The following MCF2L2 variants were observed in gnomAD, a reference collection of about 807,000 sequenced individuals.
The protein encoded by MCF2L2 is probable guanine nucleotide exchange factor MCF2L2.
A neutral mutation model predicts 150.2 loss-of-function variants in MCF2L2; 102 were observed. The observed-to-expected ratio is 0.68, with a 90% confidence interval of 0.58 to 0.80. MCF2L2 has a LOEUF of 0.80. Among genes scored for constraint, MCF2L2 ranks in the 30% least tolerant of loss-of-function variants. The pLI is 0.00. For synonymous variants in MCF2L2, 465 were observed against 491.3 expected, an observed-to-expected ratio of 0.95 and a Z score of 0.71; for missense variants, 1,256 against 1,372.8, an observed-to-expected ratio of 0.91 and a Z score of 1.34.
intron 25 of MCF2L2, among the ~76,000 whole-genome samples, chr3:183,205,263 G>A (rs1459874135): frequency 1.3e-5 from 2 of 152,102 alleles, no homozygotes; most frequent in African/African-American, 4.8e-5. Flanking sequence ...TGTAGTCCCA[G>A]CTATTCGGGA....
intron 26 of MCF2L2, 116 bp from the exon 27 acceptor site, chr3:183,193,212 G>A: frequency 2.5e-6 from 2 of 798,088 alleles, no homozygotes; most frequent in Non-Finnish European, 4.3e-6. Context: ...AGGTCTCGAG[G>A]ACCTGCTGCT....
At chr3:183,407,225 T>C (rs1715088872) in intron 1 of MCF2L2, among the ~76,000 whole-genome samples, 1 of 152,248 alleles carries the variant, frequency 6.6e-6, no homozygotes, top group African/African-American at 2.4e-5. Flanking sequence ...TATATGTCTA[T>C]CCTTTTGCCA....
At chr3:183,209,154 C>T (rs768803712) in intron 22 of MCF2L2, among the ~76,000 whole-genome samples, 1 of 152,226 alleles carries the variant, frequency 6.6e-6, no homozygotes, top group Non-Finnish European at 1.5e-5. Context: ...TATCTGCATC[C>T]ATCAAGGACC....
At chr3:183,200,859 A>C (rs1722254179) in intron 25 of MCF2L2, among the ~76,000 whole-genome samples, 1 of 152,164 alleles carries the variant, frequency 6.6e-6, no homozygotes. Context: ...CAGTTTTCCC[A>C]GCACTATTTA....
chr3:183,417,868 G>A (rs1250523618), intron 1 of MCF2L2, among the ~76,000 whole-genome samples: 1 of 152,114 alleles, frequency 6.6e-6, no homozygotes, highest in Non-Finnish European at 1.5e-5. Context: ...GGGTGGCAAG[G>A]GAGAGAGAGG....
In MCF2L2 at chr3:183,386,232, C is replaced by T. The variant is rs1713823686; in HGVS notation, c.160+3464G>A. 1.3e-5 allele frequency among the ~76,000 whole-genome samples: 2 copies of T among 152,192 alleles called. 1 individual carries two copies. The highest frequency in any genetic ancestry group is 4.1e-4 in the South Asian group (2 of 4,828). On this transcript the variant is annotated intron_variant, in intron 2 of 29. Transcript: ENST00000328913. Reference sequence around the variant, plus strand: ...CCCAGAATTGTCTGGGTCCAAAGCCCAGAGTGTTTCCACCACACTAACCTG... The same window carrying T: ...CCCAGAATTGTCTGGGTCCAAAGCCTAGAGTGTTTCCACCACACTAACCTG...
intron 1 of MCF2L2, among the ~76,000 whole-genome samples, chr3:183,413,973 C>T (rs1313218927): frequency 1.3e-5 from 2 of 152,174 alleles, no homozygotes; most frequent in African/African-American, 4.8e-5. Context: ...TGGACCCGTA[C>T]AGTTCAAACC....
intron 2 of MCF2L2, among the ~76,000 whole-genome samples, chr3:183,382,580 A>G (rs1713595945): frequency 6.6e-6 from 1 of 152,188 alleles, no homozygotes; most frequent in Admixed American, 6.5e-5. Context: ...CATGGCATCT[A>G]GTGCCACCTT....
rs1005664409 is a variant in MCF2L2 at position 183,412,088 on chromosome 3, C to A, written c.76+15814G>T. Among the ~76,000 whole-genome samples, 11 of 152,134 alleles carry A rather than the reference C, an allele frequency of 7.2e-5. 1 individual carries two copies. The highest frequency in any genetic ancestry group is 1.2e-4 in the African/African-American group (5 of 41,430). ...AGTACTACCCTAACAACAACAACAA[C>A]AAAAACCCAGATAAACTACAAAATC... On this transcript the variant is annotated intron_variant, in intron 1 of 29. Coordinates refer to ENST00000328913, the MANE Select transcript of MCF2L2 (RefSeq NM_015078.4).
At chr3:183,263,027 G>A (rs1408844543) in intron 15 of MCF2L2, among the ~76,000 whole-genome samples, 1 of 151,958 alleles carries the variant, frequency 6.6e-6, no homozygotes, top group African/African-American at 2.4e-5. Flanking sequence ...TCAGGAGACT[G>A]CTGGGCAGGG....
rs912248805 is a variant in MCF2L2, at chr3:183,178,158, T to C, written c.*1222A>G. 1.3e-5 allele frequency: 2 copies of C among 152,188 alleles called. No homozygotes were observed. Among genetic ancestry groups the C allele is most frequent in the Non-Finnish European group, 2.9e-5 (2 of 68,040 alleles). 9.4% of individuals were successfully genotyped at this position (152,188 alleles called of 1,614,324 possible). On this transcript the variant is annotated 3_prime_UTR_variant, in exon 30 of 30. Transcript: ENST00000328913. ...TGAAGGTAAATAACTCAGATAATAA[T>C]TGTAAAGATAATTAAAAATAAATTC... is the stretch of plus-strand genomic sequence containing the variant.
At chr3:183,322,575 A>G (rs1239737638) in intron 6 of MCF2L2, among the ~76,000 whole-genome samples, 2 of 152,244 alleles carry the variant, frequency 1.3e-5, no homozygotes, top group African/African-American at 4.8e-5. Context: ...ACAAGCTCAG[A>G]AATGCTTAGA....
chr3:183,290,223 T>C (rs966612111), intron 13 of MCF2L2, among the ~76,000 whole-genome samples: 4 of 152,198 alleles, frequency 2.6e-5, no homozygotes, highest in Non-Finnish European at 5.9e-5. Context: ...TGTAAGAGGA[T>C]GGCCATGCCT....
intron 18 of MCF2L2, chr3:183,224,438 G>A: frequency 2.5e-6 from 1 of 393,524 alleles, no homozygotes. Flanking sequence ...AAGGGCTATT[G>A]GTAAATACAT....
chr3:183,398,551 T>C (rs1353588793), intron 1 of MCF2L2, among the ~76,000 whole-genome samples: 1 of 151,290 alleles, frequency 6.6e-6, no homozygotes, highest in African/African-American at 2.4e-5. Context: ...ATAAATATAA[T>C]ATGCTTTTTT....
intron 10 of MCF2L2, among the ~76,000 whole-genome samples, chr3:183,302,545 G>A (rs1391852210): frequency 6.6e-6 from 1 of 152,172 alleles, no homozygotes; most frequent in African/African-American, 2.4e-5. Flanking sequence ...CCCTGGGTTT[G>A]GAGGGAGGAT....
At chr3:183,206,268 AT>A (rs1304048712) in intron 23 of MCF2L2, 54 bp from the exon 24 acceptor site, 1 of 1,256,600 alleles carries the variant, frequency 8.0e-7, no homozygotes, top group Non-Finnish European at 1.2e-6. Context: ...TGATTTTAAA[AT>A]AGTCCCTGTC....
At chr3:183,245,395 A>C (rs1343631683) in intron 15 of MCF2L2, among the ~76,000 whole-genome samples, 5 of 152,176 alleles carry the variant, frequency 3.3e-5, no homozygotes, top group Non-Finnish European at 7.4e-5. Flanking sequence ...ATGGCCACAC[A>C]CAGGGCCTTA....
chr3:183,311,654 A>G lies in MCF2L2; in HGVS notation c.872T>C (p.Met291Thr). Reference sequence around the variant, plus strand: ...TTCCACTTCACTCACTCACCTTTCCATGGTAGTTACATTCTCAAGTTGGTT... The same window carrying G: ...TTCCACTTCACTCACTCACCTTTCCGTGGTAGTTACATTCTCAAGTTGGTT... ...NLNQLENVTT[M>T]ERLLVQLDET... Residue 291 changes from methionine to threonine, a missense_variant, in exon 8 of 30, where the codon ATG (methionine) becomes ACG (threonine). Met to Thr is a moderately conservative substitution (Grantham distance 81, BLOSUM62 -1). Coordinates refer to ENST00000328913, the MANE Select transcript of MCF2L2 (RefSeq NM_015078.4). 5 of 1,613,816 alleles carry G rather than the reference A, an allele frequency of 3.1e-6. No individual in the cohort carries two copies. In the South Asian group the frequency reaches 3.3e-5, roughly 11 times the overall value.
Sources: gnomAD v4.1 joint callset for allele counts (sites outside exome capture counted in the v4.1 genomes callset) on GRCh38, gnomAD v4.1.1 for gene constraint, MANE v1.5 for transcripts, NCBI Gene and HGNC (gene_info 2026-07-23, HGNC 2026-07-21) for gene names.